Variants in BARX2 observed in about 807,000 individuals in gnomAD.
The protein encoded by BARX2 is BARX homeobox 2.
Under a neutral mutation model 25.5 loss-of-function variants are expected in BARX2, and 11 were observed. That is an observed-to-expected ratio of 0.43 (90% CI 0.27 to 0.71). BARX2 has a LOEUF of 0.71. Ranked by LOEUF, BARX2 falls within the 30% of genes least tolerant of loss-of-function variation. BARX2 has a pLI of 0.19. For synonymous variants in BARX2, 137 were observed against 149.5 expected, an observed-to-expected ratio of 0.92 and a Z score of 0.61; for missense variants, 360 against 359.9, an observed-to-expected ratio of 1.00 and a Z score of 0.00.
intron 3 of BARX2, among the ~76,000 whole-genome samples, chr11:129,446,671 G>A (rs1428875451): frequency 2.6e-5 from 4 of 152,142 alleles, no homozygotes; most frequent in South Asian, 2.1e-4. Context: ...CAGGGACTCC[G>A]CACAGCCCTG....
At chr11:129,422,382 T>A (rs963102943) in intron 1 of BARX2, among the ~76,000 whole-genome samples, 1 of 147,048 alleles carries the variant, frequency 6.8e-6, no homozygotes, top group Admixed American at 6.8e-5. Context: ...CACTGCCTCC[T>A]CCAACTCCTC....
chr11:129,438,695 G>T (rs548336438), intron 2 of BARX2, among the ~76,000 whole-genome samples: 1 of 152,312 alleles, frequency 6.6e-6, no homozygotes, highest in South Asian at 2.1e-4. Context: ...CAGGGATTAC[G>T]GGTCCAGAAA....
At position 129,446,842 on chromosome 11, in the gene BARX2, C is replaced by T. The variant is rs909454476; in HGVS notation, c.573+3923C>T. ...TGGGAGGAGATTCATGCTGGGGAAT[C>T]CAAACTTGTTTCTCAGCTTCATGGA... On this transcript the variant is annotated intron_variant, in intron 3 of 3. Transcript: ENST00000281437. 3.9e-5 allele frequency among the ~76,000 whole-genome samples: 6 copies of T among 152,254 alleles called. No individual in the cohort carries two copies. In the Middle Eastern group the frequency reaches 0.01, roughly 259 times the overall value.
intron 1 of BARX2, among the ~76,000 whole-genome samples, chr11:129,418,752 C>T (rs1246524639): frequency 2.0e-5 from 3 of 152,118 alleles, no homozygotes; most frequent in Non-Finnish European, 4.4e-5. Context: ...AGTAGTATAA[C>T]GAACGCCTGG....
At chr11:129,429,612 G>T (rs549930874) in intron 1 of BARX2, among the ~76,000 whole-genome samples, 1 of 152,208 alleles carries the variant, frequency 6.6e-6, no homozygotes, top group African/African-American at 2.4e-5. Flanking sequence ...GGGGGGACTC[G>T]TTCTACCAGA....
At chr11:129,399,452 C>G (rs1255454697) in intron 1 of BARX2, among the ~76,000 whole-genome samples, 2 of 152,246 alleles carry the variant, frequency 1.3e-5, no homozygotes, top group East Asian at 3.9e-4. Context: ...GTCTTGAACT[C>G]TGTGGCCCAA....
chr11:129,375,765 A>C (rs1729131436), upstream of BARX2, among the ~76,000 whole-genome samples: 1 of 152,044 alleles, frequency 6.6e-6, no homozygotes. The surrounding 1 kb of genome is among the most constrained non-coding windows in gnomAD (Gnocchi z 4.0). Flanking sequence ...CCCTCAGCAC[A>C]CACTCCGCAC....
chr11:129,440,923 G>A (rs1312229752), intron 2 of BARX2, among the ~76,000 whole-genome samples: 4 of 152,210 alleles, frequency 2.6e-5, no homozygotes, highest in African/African-American at 9.6e-5. Flanking sequence ...AGTGGGGGTT[G>A]CTGCCCAAGC....
At chr11:129,400,756 A>G (rs977137255) in intron 1 of BARX2, among the ~76,000 whole-genome samples, 1 of 152,220 alleles carries the variant, frequency 6.6e-6, no homozygotes, top group African/African-American at 2.4e-5. Context: ...GGCTTCTGCC[A>G]TCATCCAGGC....
chr11:129,419,554 C>G (rs1046206061), intron 1 of BARX2, among the ~76,000 whole-genome samples: 3 of 152,296 alleles, frequency 2.0e-5, no homozygotes, highest in Non-Finnish European at 1.5e-5. Context: ...GTGACCTCAT[C>G]ATGGGATAGT....
Position 129,451,405 on chromosome 11 carries a change from T to TA in BARX2, c.*7dup. Reference sequence around the variant, plus strand: ...CGGAACCCCCACCATTAAGCTAAAGTAAAACCCTTTTGAGGGAAGAGGGAG... The same window carrying TA: ...CGGAACCCCCACCATTAAGCTAAAGTAAAAACCCTTTTGAGGGAAGAGGGAG... On this transcript the variant is annotated 3_prime_UTR_variant, in exon 4 of 4. Coordinates refer to ENST00000281437, the MANE Select transcript of BARX2 (RefSeq NM_003658.5). The TA allele has an allele frequency of 1.2e-6, 2 of 1,609,724 alleles. No homozygotes were observed. The highest frequency in any genetic ancestry group is 1.1e-5 in the South Asian group (1 of 90,962).
chr11:129,376,344 T>G lies in BARX2; in HGVS notation c.187+122T>G. 9.5e-7 allele frequency: 1 copy of G among 1,047,504 alleles called. No individual in the cohort carries two copies. The highest frequency in any genetic ancestry group is 2.3e-4 in the Middle Eastern group (1 of 4,444). The allele number at this position is 1,047,504 out of a possible 1,614,324, so 64.9% of individuals were successfully genotyped here. ...AGTTAAGGGATTCTTTTCCTGCGCC[T>G]CAGCAAGCGGTGGGCATTGCAAAGG... On this transcript the variant is annotated intron_variant, in intron 1 of 3. Coordinates refer to ENST00000281437, the MANE Select transcript of BARX2 (RefSeq NM_003658.5). This position sits in a 1 kb window ranked among gnomAD's most constrained non-coding sequence, Gnocchi z 4.2.
At chr11:129,437,585 C>T in intron 2 of BARX2, 1 of 891,994 alleles carries the variant, frequency 1.1e-6, no homozygotes, top group Non-Finnish European at 1.3e-6. Context: ...AACCATTTGA[C>T]TGAGACCCAG....
At chr11:129,380,795 G>A (rs570736370) in intron 1 of BARX2, among the ~76,000 whole-genome samples, 2 of 147,266 alleles carry the variant, frequency 1.4e-5, no homozygotes, top group South Asian at 4.3e-4. Flanking sequence ...AGATACCAAG[G>A]GATTCCTTAG....
chr11:129,421,160 T>C (rs1245118116), intron 1 of BARX2, among the ~76,000 whole-genome samples: 2 of 152,210 alleles, frequency 1.3e-5, no homozygotes, highest in Non-Finnish European at 2.9e-5. Context: ...TGCGAACCGA[T>C]GTGCATTGTG....
chr11:129,450,768 AGT>A (rs1031753933), intron 3 of BARX2, among the ~76,000 whole-genome samples: 3 of 152,148 alleles, frequency 2.0e-5, no homozygotes, highest in African/African-American at 4.8e-5. Flanking sequence ...ACTTTCATAC[AGT>A]GTGTTTTTTT....
At chr11:129,440,055 A>C (rs1432046461) in intron 2 of BARX2, among the ~76,000 whole-genome samples, 1 of 151,982 alleles carries the variant, frequency 6.6e-6, no homozygotes, top group Non-Finnish European at 1.5e-5. Flanking sequence ...TGCCATCTTC[A>C]CCTGCCCTCT....
chr11:129,434,416 GTAAGTA>G (rs1862164529), intron 1 of BARX2, among the ~76,000 whole-genome samples: 2 of 37,390 alleles, frequency 5.3e-5, no homozygotes, highest in East Asian at 8.5e-4. Context: ...AAAAAAAAAA[GTAAGTA>G]AAAAAAAAAA....
intron 1 of BARX2, among the ~76,000 whole-genome samples, chr11:129,434,306 T>A: frequency 6.8e-6 from 1 of 147,566 alleles, no homozygotes. Flanking sequence ...GGCTCACACC[T>A]ATAATCCTAA....
Sources: allele counts gnomAD v4.1 joint callset (sites outside exome capture counted in the v4.1 genomes callset), GRCh38; gene constraint gnomAD v4.1.1; non-coding constraint Gnocchi (gnomAD v3.1); transcripts MANE v1.5; gene names NCBI Gene and HGNC (gene_info 2026-07-23, HGNC 2026-07-21).